Variants in NDST4 observed in about 807,000 individuals in gnomAD.
NDST4 encodes N-heparan sulfate sulfotransferase 4.
Under a neutral mutation model 100.8 loss-of-function variants are expected in NDST4, and 63 were observed. The observed-to-expected ratio is 0.62, with a 90% CI of 0.51 to 0.77. The LOEUF (loss-of-function observed/expected upper bound fraction) is 0.77. Among genes scored for constraint, NDST4 ranks in the 30% least tolerant of loss-of-function variants. The pLI is 0.00. For synonymous variants in NDST4, 377 were observed against 361.8 expected, an observed-to-expected ratio of 1.04 and a Z score of -0.48; for missense variants, 943 against 1,018.4, an observed-to-expected ratio of 0.93 and a Z score of 1.01.
chr4:114,899,264 G>A (rs915131059), intron 6 of NDST4, among the ~76,000 whole-genome samples: 2 of 152,046 alleles, frequency 1.3e-5, no homozygotes, highest in African/African-American at 2.4e-5. Flanking sequence ...TGCAACCTCC[G>A]CCTCCCAGGT....
chr4:115,108,073 A>C (rs1402720800), intron 1 of NDST4, among the ~76,000 whole-genome samples: 1 of 152,150 alleles, frequency 6.6e-6, no homozygotes, highest in African/African-American at 2.4e-5. Flanking sequence ...AATTGAATTG[A>C]CATAACTATT....
chr4:114,893,191 G>C (rs1724636937), intron 6 of NDST4, among the ~76,000 whole-genome samples: 1 of 152,108 alleles, frequency 6.6e-6, no homozygotes, highest in African/African-American at 2.4e-5. Flanking sequence ...TGCAAATAGT[G>C]CTGCAATAAA....
chr4:114,997,454 GA>G (rs1727189702), intron 2 of NDST4, among the ~76,000 whole-genome samples: 1 of 152,030 alleles, frequency 6.6e-6, no homozygotes, highest in African/African-American at 2.4e-5. Context: ...TAAGGAGTAT[GA>G]AACTTATCAC....
At chr4:114,861,608 GC>G (rs1484693884) in intron 7 of NDST4, among the ~76,000 whole-genome samples, 1 of 152,008 alleles carries the variant, frequency 6.6e-6, no homozygotes, top group Non-Finnish European at 1.5e-5. Flanking sequence ...GATAAGTTTT[GC>G]CTCACACAGT....
At chr4:115,087,090 A>G (rs1470492470) in intron 1 of NDST4, among the ~76,000 whole-genome samples, 1 of 152,038 alleles carries the variant, frequency 6.6e-6, no homozygotes, top group Non-Finnish European at 1.5e-5. Context: ...AGGATTAAAC[A>G]ATTTTTGAAT....
intron 4 of NDST4, among the ~76,000 whole-genome samples, chr4:114,939,751 A>G (rs371888019): frequency 3.3e-5 from 5 of 152,042 alleles, no homozygotes; most frequent in African/African-American, 9.7e-5. Context: ...AAAAGTTACT[A>G]TATTTATTGA....
At chr4:114,900,015 T>C (rs137930239) in intron 6 of NDST4, among the ~76,000 whole-genome samples, 103 of 152,292 alleles carry the variant, frequency 6.8e-4, no homozygotes, top group African/African-American at 2.4e-3. Context: ...CTTTAATAGA[T>C]ATAATCCTAA....
chr4:115,077,892 C>G (rs1424760919), intron 1 of NDST4, among the ~76,000 whole-genome samples: 1 of 152,160 alleles, frequency 6.6e-6, no homozygotes, highest in African/African-American at 2.4e-5. Flanking sequence ...AACAGGCATT[C>G]TCAGATCTCG....
chr4:114,969,943 G>A (rs1454097227), intron 4 of NDST4, among the ~76,000 whole-genome samples: 1 of 152,120 alleles, frequency 6.6e-6, no homozygotes, highest in African/African-American at 2.4e-5. Flanking sequence ...GTGTGTAAGT[G>A]TTCTCTTTTC....
intron 6 of NDST4, among the ~76,000 whole-genome samples, chr4:114,900,577 C>T (rs1724815676): frequency 6.6e-6 from 1 of 152,076 alleles, no homozygotes; most frequent in Admixed American, 6.6e-5. Context: ...GTTACAATTG[C>T]CTACAGTATT....
chr4:114,866,985 G>T (rs1422095257), intron 7 of NDST4, among the ~76,000 whole-genome samples: 1 of 152,074 alleles, frequency 6.6e-6, no homozygotes, highest in Non-Finnish European at 1.5e-5. Context: ...TTTTTTAATT[G>T]TAAAACCACC....
intron 4 of NDST4, among the ~76,000 whole-genome samples, chr4:114,960,982 TAAA>T (rs1298819437): frequency 6.6e-6 from 1 of 152,050 alleles, no homozygotes; most frequent in Non-Finnish European, 1.5e-5. Flanking sequence ...TGTGCAATAA[TAAA>T]GAAGGAAGGA....
At chr4:115,023,226 C>G (rs1437788784) in intron 2 of NDST4, among the ~76,000 whole-genome samples, 1 of 152,158 alleles carries the variant, frequency 6.6e-6, no homozygotes, top group East Asian at 1.9e-4. Context: ...TTGCTCACAT[C>G]TGTAATCCCA....
Position 115,040,394 on chromosome 4 carries a change from T to C in NDST4, c.978+35665A>G, listed in dbSNP as rs186652741. Reference sequence around the variant, plus strand: ...ACCAAAAAATCCAAGATTTTATCAATAATCACATTGAAATTATTATTCTAA... The same window carrying C: ...ACCAAAAAATCCAAGATTTTATCAACAATCACATTGAAATTATTATTCTAA... On this transcript the variant is annotated intron_variant, in intron 2 of 13. Transcript: ENST00000264363. 1.7e-3 allele frequency among the ~76,000 whole-genome samples: 255 copies of C among 150,708 alleles called. 1 individual carries two copies. The highest frequency in any genetic ancestry group is 6.0e-3 in the African/African-American group (246 of 40,998).
At chr4:114,945,208 CAA>C (rs1173970826) in intron 4 of NDST4, among the ~76,000 whole-genome samples, 1,109 of 53,712 alleles carry the variant, frequency 0.021, 4 homozygotes, top group African/African-American at 0.072. Flanking sequence ...AACTCCGTCT[CAA>C]AAAAAAAAAA....
chr4:114,899,377 C>G (rs561575669), intron 6 of NDST4, among the ~76,000 whole-genome samples: 10 of 152,022 alleles, frequency 6.6e-5, no homozygotes, highest in Non-Finnish European at 1.5e-4. Flanking sequence ...CAGGGTTTCA[C>G]CAGGTTAGCC....
chr4:115,102,900 G>T (rs1417322280), intron 1 of NDST4, among the ~76,000 whole-genome samples: 1 of 151,784 alleles, frequency 6.6e-6, no homozygotes, highest in Non-Finnish European at 1.5e-5. Context: ...GTAGAGACGG[G>T]ATTTCACCAT....
chr4:114,874,634 G>C (rs1307206246), intron 6 of NDST4, among the ~76,000 whole-genome samples: 1 of 152,134 alleles, frequency 6.6e-6, no homozygotes, highest in African/African-American at 2.4e-5. Context: ...ATCACCTATT[G>C]TGCAGACACA....
chr4:115,105,997 T>C lies in NDST4; in HGVS notation c.-247+7447A>G, dbSNP rs552409112. Among the ~76,000 whole-genome samples, 38 of 152,214 alleles carry C rather than the reference T, an allele frequency of 2.5e-4. 1 individual carries two copies. Among genetic ancestry groups the C allele is most frequent in the African/African-American group, 8.9e-4 (37 of 41,544 alleles). ...TTATCAAACCCTTAGTATCTATTGA[T>C]TATTGGTCAAGCACTCTCTAAGCAT... On this transcript the variant is annotated intron_variant, in intron 1 of 13. Transcript: ENST00000264363.
Sources: gnomAD v4.1 joint callset for allele counts (sites outside exome capture counted in the v4.1 genomes callset) on GRCh38, gnomAD v4.1.1 for gene constraint, MANE v1.5 for transcripts, NCBI Gene and HGNC (gene_info 2026-07-23, HGNC 2026-07-21) for gene names.